TFAP2E: variants seen among roughly 807,000 people sequenced by gnomAD.
TFAP2E encodes the protein transcription factor AP-2-epsilon.
TFAP2E carries 30 observed loss-of-function variants against 37.9 expected under a neutral mutation model. The ratio of observed to expected loss-of-function variants is 0.79; its 90% confidence interval spans 0.59 to 1.07. The LOEUF (loss-of-function observed/expected upper bound fraction) is 1.07. Ranked by LOEUF, TFAP2E falls within the 50% of genes least tolerant of loss-of-function variation. TFAP2E has a pLI of 0.00. For missense variants in TFAP2E, 567 were observed against 637.9 expected, an observed-to-expected ratio of 0.89 and a Z score of 1.20; for synonymous variants, 318 against 295.8, an observed-to-expected ratio of 1.08 and a Z score of -0.77.
chr1:35,589,827 C>A, intron 4 of TFAP2E, 103 bp from the exon 5 acceptor site: 2 of 1,199,732 alleles, frequency 1.7e-6, no homozygotes, highest in Non-Finnish European at 2.5e-6. Flanking sequence ...CAAACCTCAA[C>A]AGGGGCTGGT....
At chr1:35,585,253 T>C (rs577608959) in intron 3 of TFAP2E, among the ~76,000 whole-genome samples, 69 of 152,318 alleles carry the variant, frequency 4.5e-4, no homozygotes, top group African/African-American at 1.6e-3. Flanking sequence ...TTTAAATCTT[T>C]GAATCATTGC....
intron 3 of TFAP2E, among the ~76,000 whole-genome samples, chr1:35,580,962 A>G (rs151276648): frequency 0.014 from 2,155 of 152,300 alleles, 56 homozygotes; most frequent in African/African-American, 0.048. Context: ...AACCATTACC[A>G]CAAAAAAATC....
chr1:35,593,950 T>C (rs1373225756), intron 6 of TFAP2E, among the ~76,000 whole-genome samples: 2 of 152,252 alleles, frequency 1.3e-5, no homozygotes, highest in African/African-American at 4.8e-5. Context: ...ACAGTGTGGT[T>C]GGCACAGCAT....
chr1:35,584,831 G>A lies in TFAP2E; in HGVS notation c.563-3499G>A, dbSNP rs149351042. Among the ~76,000 whole-genome samples the A allele has an allele frequency of 3.9e-5, 6 of 152,272 alleles. No homozygotes were observed. In the East Asian group the frequency reaches 1.2e-3, roughly 29 times the overall value. ...TTACAGGTGTGAGCCACCGTGCCTG[G>A]CCTCATTTGTAGTTTTATTTGTTTG... On this transcript the variant is annotated intron_variant, in intron 3 of 6. Transcript: ENST00000373235.
chr1:35,583,729 TGG>T (rs1649412823), intron 3 of TFAP2E, among the ~76,000 whole-genome samples: 1 of 152,106 alleles, frequency 6.6e-6, no homozygotes, highest in Non-Finnish European at 1.5e-5. Context: ...TCTGTGTGTG[TGG>T]GAGACAAACT....
At chr1:35,591,647 C>T (rs1374454942) in intron 6 of TFAP2E, among the ~76,000 whole-genome samples, 1 of 152,222 alleles carries the variant, frequency 6.6e-6, no homozygotes, top group Non-Finnish European at 1.5e-5. Flanking sequence ...GAGGGCACCT[C>T]AGGGCCTGTT....
At chr1:35,581,019 A>T (rs1649337122) in intron 3 of TFAP2E, among the ~76,000 whole-genome samples, 1 of 151,880 alleles carries the variant, frequency 6.6e-6, no homozygotes, top group Non-Finnish European at 1.5e-5. Context: ...ATTTGTAGCT[A>T]CTCTCCATTC....
intron 4 of TFAP2E, among the ~76,000 whole-genome samples, chr1:35,589,531 G>A (rs749533655): frequency 6.6e-6 from 1 of 151,606 alleles, no homozygotes; most frequent in Non-Finnish European, 1.5e-5. Context: ...TCACCAGGTG[G>A]CTGTGTGTGT....
rs766067097 is a variant in TFAP2E at position 35,590,616 on chromosome 1, C to A, written c.905-18C>A. 1 of 1,454,914 alleles carries A rather than the reference C, an allele frequency of 6.9e-7. No homozygotes were observed. Among genetic ancestry groups the A allele is most frequent in the Non-Finnish European group, 9.2e-7 (1 of 1,091,024 alleles). 90.1% of individuals were successfully genotyped at this position (1,454,914 alleles called of 1,614,324 possible). On this transcript the variant is annotated intron_variant, in intron 5 of 6. Coordinates refer to ENST00000373235, the MANE Select transcript of TFAP2E (RefSeq NM_178548.4). The surrounding 1 kb of genome is among the most constrained non-coding windows in gnomAD (Gnocchi z 6.2). ...GCAGAGGTACACCCTGCAGTAGTGA[C>A]AGCTCCCCTCCCCCCAGGAGAGGCC...
intron 3 of TFAP2E, among the ~76,000 whole-genome samples, chr1:35,582,911 C>CT (rs975535593): frequency 7.0e-4 from 104 of 147,706 alleles, no homozygotes; most frequent in South Asian, 1.5e-3. Flanking sequence ...TTCTTTCTTT[C>CT]TTTTTTTTTT....
chr1:35,587,652 A>G (rs1185737719), intron 3 of TFAP2E, among the ~76,000 whole-genome samples: 1 of 151,304 alleles, frequency 6.6e-6, no homozygotes, highest in Admixed American at 6.6e-5. Context: ...AAAAAAAAAA[A>G]AAAAGAAAGA....
At chr1:35,593,035 T>TAGAGAAAGAGAG (rs2148555037) in intron 6 of TFAP2E, among the ~76,000 whole-genome samples, 1 of 151,076 alleles carries the variant, frequency 6.6e-6, no homozygotes, top group South Asian at 2.1e-4. Context: ...AGGAGGGGGA[T>TAGAGAAAGAGAG]AGAGAAAGAG....
In TFAP2E at chr1:35,590,845, T is replaced by C. The variant is rs1487682333; in HGVS notation, c.1046+70T>C. The C allele has an allele frequency of 4.5e-6, 6 of 1,331,230 alleles. No homozygotes were observed. Among genetic ancestry groups the C allele is most frequent in the East Asian group, 2.8e-5 (1 of 35,846 alleles). 82.5% of individuals were successfully genotyped at this position (1,331,230 alleles called of 1,614,324 possible). A position where few individuals can be genotyped will look rare whatever the true frequency, so the allele number is the denominator to read the frequency against. On this transcript the variant is annotated intron_variant, in intron 6 of 6. Coordinates refer to ENST00000373235, the MANE Select transcript of TFAP2E (RefSeq NM_178548.4). This position sits in a 1 kb window ranked among gnomAD's most constrained non-coding sequence, Gnocchi z 6.2. ...AGACAGACATCATGTATGGGCACAA[T>C]GGACACCACTGTGTACATGAGCAGT... is the stretch of plus-strand genomic sequence containing the variant.
chr1:35,574,274 C>T lies in TFAP2E; in HGVS notation c.375C>T (p.Gly125=). Residue 125 remains glycine, a synonymous_variant, in exon 2 of 7, where the codon GGC becomes GGT. Transcript: ENST00000373235. The stretch of plus-strand genomic sequence containing the variant: ...TGGCACCGCCCGCCCGCGCCCTGGG[C>T]CTTGACCCGCGCCGTGACTATGCCA... The part of the protein sequence containing the change: ...GLLAPPARAL[G]LDPRRDYATA... The T allele has an allele frequency of 7.1e-7, 1 of 1,406,652 alleles. No individual in the cohort carries two copies. 87.1% of individuals were successfully genotyped at this position (1,406,652 alleles called of 1,614,324 possible). A position where few individuals can be genotyped will look rare whatever the true frequency, so the allele number is the denominator to read the frequency against.
At chr1:35,580,152 G>A (rs576134099) in intron 3 of TFAP2E, among the ~76,000 whole-genome samples, 1 of 152,278 alleles carries the variant, frequency 6.6e-6, no homozygotes, top group Admixed American at 6.5e-5. Flanking sequence ...GGAGGTTGCA[G>A]TGAGCCAAGA....
intron 3 of TFAP2E, among the ~76,000 whole-genome samples, chr1:35,579,048 C>T (rs1649266622): frequency 8.1e-6 from 1 of 124,168 alleles, no homozygotes; most frequent in Non-Finnish European, 1.6e-5. Flanking sequence ...TGCCACTGTA[C>T]TCCAGCCTGG....
In TFAP2E at chr1:35,575,023, A is replaced by G. The variant is rs753239559; in HGVS notation, c.562+23A>G. 7 of 1,613,732 alleles carry G rather than the reference A, an allele frequency of 4.3e-6. No homozygotes were observed. In the South Asian group the frequency reaches 7.7e-5, roughly 18 times the overall value. ...AAGGTAAGGAATGGTCTGTCAGGGC[A>G]GAGCCCGGCGAGATGGTGCAGGCCC... On this transcript the variant is annotated intron_variant, in intron 3 of 6. Coordinates refer to ENST00000373235, the MANE Select transcript of TFAP2E (RefSeq NM_178548.4).
At chr1:35,582,022 C>T (rs1557435210) in intron 3 of TFAP2E, among the ~76,000 whole-genome samples, 1 of 152,042 alleles carries the variant, frequency 6.6e-6, no homozygotes, top group East Asian at 1.9e-4. Flanking sequence ...ATTATAGGCA[C>T]GCACCACCAC....
intron 6 of TFAP2E, among the ~76,000 whole-genome samples, chr1:35,592,756 G>A (rs535146723): frequency 1.3e-5 from 2 of 152,156 alleles, no homozygotes; most frequent in Non-Finnish European, 2.9e-5. Flanking sequence ...GGCAGATTCC[G>A]TGTCAGGTGA....
Sources: allele counts gnomAD v4.1 joint callset (sites outside exome capture counted in the v4.1 genomes callset), GRCh38; gene constraint gnomAD v4.1.1; non-coding constraint Gnocchi (gnomAD v3.1); transcripts MANE v1.5; gene names NCBI Gene and HGNC (gene_info 2026-07-23, HGNC 2026-07-21).